C2orf49: variants seen among roughly 807,000 people sequenced by gnomAD.
C2orf49 encodes tRNA-splicing ligase complex subunit ASW.
A neutral mutation model predicts 20.6 loss-of-function variants in C2orf49; 11 were observed. The ratio of observed to expected loss-of-function variants is 0.53; its 90% CI spans 0.34 to 0.88. C2orf49 has a LOEUF of 0.88. Ranked by LOEUF, C2orf49 falls within the 40% of genes least tolerant of loss-of-function variation. The pLI is 0.02. For synonymous variants in C2orf49, 134 were observed against 108.5 expected (o/e 1.24, Z -1.46); for missense variants, 289 against 274.2 (o/e 1.05, Z -0.38).
the C2orf49 span, among the ~76,000 whole-genome samples, chr2:105,354,828 T>C: frequency 6.6e-6 from 1 of 152,332 alleles, no homozygotes; most frequent in Non-Finnish European, 1.5e-5. Flanking sequence ...TTGTAGAATG[T>C]GTAACAAAGT....
At chr2:105,341,520 C>T (rs1369829375) in intron 2 of C2orf49, among the ~76,000 whole-genome samples, 2 of 152,228 alleles carry the variant, frequency 1.3e-5, no homozygotes, top group Non-Finnish European at 2.9e-5. Context: ...GCTTCTCAAA[C>T]TTTAATGTGC....
chr2:105,355,369 G>T, the C2orf49 span, among the ~76,000 whole-genome samples: 1 of 152,206 alleles, frequency 6.6e-6, no homozygotes, highest in Non-Finnish European at 1.5e-5. Context: ...TAGCCCATGT[G>T]TCTGGTAAAG....
chr2:105,381,133 G>A, the C2orf49 span, among the ~76,000 whole-genome samples: 1 of 152,156 alleles, frequency 6.6e-6, no homozygotes, highest in Non-Finnish European at 1.5e-5. Flanking sequence ...ATTCCACCAG[G>A]GCTGGCACCA....
chr2:105,338,941 G>T (rs548488337), intron 1 of C2orf49, among the ~76,000 whole-genome samples: 1 of 152,336 alleles, frequency 6.6e-6, no homozygotes, highest in South Asian at 2.1e-4. Context: ...AAATGAGGAA[G>T]AATTTGGTGA....
the C2orf49 span, chr2:105,377,800 G>A: frequency 1.5e-5 from 5 of 333,348 alleles, no homozygotes; most frequent in Non-Finnish European, 3.0e-5. Context: ...GTCTGGCTGG[G>A]ACAAGAGACC....
intron 1 of C2orf49, among the ~76,000 whole-genome samples, chr2:105,338,178 G>A (rs1245084401): frequency 6.6e-6 from 1 of 152,142 alleles, no homozygotes; most frequent in African/African-American, 2.4e-5. Context: ...AGAATTCAGG[G>A]CTCCTGGCTC....
the C2orf49 span, chr2:105,367,669 C>G: frequency 1.0e-4 from 165 of 1,614,098 alleles, no homozygotes; most frequent in Non-Finnish European, 1.9e-5. Flanking sequence ...TTCCAATTGG[C>G]TGCTGGCAGC....
At chr2:105,359,517 A>G in the C2orf49 span, 4 of 152,186 alleles carry the variant, frequency 2.6e-5, no homozygotes, top group African/African-American at 9.7e-5. Context: ...TGCTCAGCCT[A>G]TCATTTTATT....
At chr2:105,364,806 C>T in the C2orf49 span, among the ~76,000 whole-genome samples, 2 of 152,150 alleles carry the variant, frequency 1.3e-5, no homozygotes, top group Admixed American at 1.3e-4. Context: ...GATGAGTAAA[C>T]TGAGACTCAG....
chr2:105,355,774 G>C, the C2orf49 span, among the ~76,000 whole-genome samples: 1 of 52,372 alleles, frequency 1.9e-5, no homozygotes, highest in Non-Finnish European at 4.7e-5. Context: ...AAAATTTTGT[G>C]TGTGTGTGTG....
chr2:105,363,234 C>T, the C2orf49 span: 19 of 1,585,998 alleles, frequency 1.2e-5, no homozygotes, highest in Non-Finnish European at 1.6e-5. Flanking sequence ...AATGCTAGGC[C>T]TTGTTCAAGC....
rs1372190824 is a variant in C2orf49, at chr2:105,342,936, G to C, written c.355G>C (p.Glu119Gln). The C allele has an allele frequency of 1.2e-6, 2 of 1,614,226 alleles. No homozygotes were observed. Among genetic ancestry groups the C allele is most frequent in the Non-Finnish European group, 1.7e-6 (2 of 1,180,038 alleles). Reference protein sequence around the residue: ...TSTSIKVKKTENGDNDRLKPP... With the variant: ...TSTSIKVKKTQNGDNDRLKPP... ...TACAAGCATAAAAGTGAAAAAGACA[G>C]AGAATGGAGATAATGATCGACTGAA... The change falls in exon 3 of 4, where the codon GAG becomes CAG. Residue 119 changes from glutamate to glutamine, a missense_variant. By Grantham distance (29) the Glu-to-Gln change is conservative. Transcript: ENST00000258457.
intron 2 of C2orf49, among the ~76,000 whole-genome samples, chr2:105,341,635 C>T (rs987446867): frequency 1.3e-5 from 2 of 152,200 alleles, no homozygotes; most frequent in Non-Finnish European, 2.9e-5. Flanking sequence ...CATTTTCTAC[C>T]AAATGATGTT....
At chr2:105,367,791 G>C in the C2orf49 span, 5 of 1,556,528 alleles carry the variant, frequency 3.2e-6, no homozygotes, top group Admixed American at 7.3e-5. Flanking sequence ...GAGGGGTGTG[G>C]AGTCCCAGCA....
At chr2:105,366,068 G>C in the C2orf49 span, among the ~76,000 whole-genome samples, 12 of 151,658 alleles carry the variant, frequency 7.9e-5, no homozygotes, top group East Asian at 2.4e-3. Context: ...AACCGGCTGG[G>C]CATGGTGACG....
chr2:105,364,303 T>C, the C2orf49 span, among the ~76,000 whole-genome samples: 1 of 151,846 alleles, frequency 6.6e-6, no homozygotes, highest in Non-Finnish European at 1.5e-5. Flanking sequence ...AGTGGTAACC[T>C]CTCCAATGCC....
At chr2:105,349,299 A>G (rs552105490), downstream of C2orf49, 1 of 152,244 alleles carries the variant, frequency 6.6e-6, no homozygotes, top group East Asian at 1.9e-4. Flanking sequence ...TGGCATGATC[A>G]TAGCTCACTG....
At chr2:105,365,804 C>G in the C2orf49 span, among the ~76,000 whole-genome samples, 1 of 151,650 alleles carries the variant, frequency 6.6e-6, no homozygotes, top group Admixed American at 6.6e-5. Context: ...GAGATCATGC[C>G]ACTGTACTAC....
chr2:105,353,736 C>T (rs1364234612), downstream of C2orf49, among the ~76,000 whole-genome samples: 4 of 152,110 alleles, frequency 2.6e-5, no homozygotes, highest in Admixed American at 6.5e-5. Flanking sequence ...TAACCTTATC[C>T]TTATCCCTGA....
Sources: allele counts gnomAD v4.1 joint callset (sites outside exome capture counted in the v4.1 genomes callset), GRCh38; gene constraint gnomAD v4.1.1; transcripts MANE v1.5; gene names NCBI Gene and HGNC (gene_info 2026-07-23, HGNC 2026-07-21).